PRR16: variants seen among roughly 807,000 people sequenced by gnomAD.
The protein encoded by PRR16 is protein Largen.
PRR16 carries 6 observed loss-of-function variants against 18.2 expected under a neutral mutation model. The ratio of observed to expected loss-of-function variants is 0.33; its 90% CI spans 0.18 to 0.65. PRR16 has a LOEUF of 0.65. Ranked by LOEUF, PRR16 falls within the 30% of genes least tolerant of loss-of-function variation. The pLI, the probability that PRR16 is intolerant of heterozygous loss-of-function variation, is 0.74. For synonymous variants in PRR16, 151 were observed against 147.8 expected (o/e 1.02, Z -0.16); for missense variants, 412 against 376.6 (o/e 1.09, Z -0.78).
intron 1 of PRR16, among the ~76,000 whole-genome samples, chr5:120,592,333 T>C (rs983902502): frequency 2.6e-5 from 4 of 152,194 alleles, no homozygotes; most frequent in Non-Finnish European, 5.9e-5. Flanking sequence ...TCGTAGGAGC[T>C]GTATACTGCA....
At position 120,464,497 on chromosome 5, in the gene PRR16, A is replaced by C. The variant is rs955630893; in HGVS notation, c.11A>C (p.Lys4Thr). ...GCTTGCCCCCAAAGAATGTCAGCCA[A>C]GTCCAAGGGGAACCCCTCCTCGTCC... MSA[K>T]SKGNPSSSCP... The change falls in exon 1 of 2, where the codon AAG becomes ACG. Residue 4 changes from lysine (K) to threonine (T), a missense_variant. By Grantham distance (78) the Lys-to-Thr change is moderately conservative. Coordinates refer to ENST00000407149, the MANE Select transcript of PRR16 (RefSeq NM_001300783.2). 1 of 1,589,476 alleles carries C rather than the reference A, an allele frequency of 6.3e-7. No individual in the cohort carries two copies. The highest frequency in any genetic ancestry group is 8.5e-7 in the Non-Finnish European group (1 of 1,176,092).
At chr5:120,657,423 C>G (rs1756019895) in intron 1 of PRR16, among the ~76,000 whole-genome samples, 1 of 151,900 alleles carries the variant, frequency 6.6e-6, no homozygotes, top group African/African-American at 2.4e-5. Flanking sequence ...TCAGTGACCT[C>G]ATGTTGGTGC....
intron 1 of PRR16, among the ~76,000 whole-genome samples, chr5:120,663,438 C>A (rs552499383): frequency 6.9e-6 from 1 of 145,606 alleles, no homozygotes. Context: ...AAAGGTTGAA[C>A]AGGATACAAA....
the PRR16 span, among the ~76,000 whole-genome samples, chr5:120,777,157 A>G: frequency 6.6e-6 from 1 of 152,044 alleles, no homozygotes; most frequent in African/African-American, 2.4e-5. Flanking sequence ...CGCAGACTTG[A>G]TGTGAATAAT....
intron 1 of PRR16, among the ~76,000 whole-genome samples, chr5:120,672,540 A>ATGTGTGTG (rs5870916): frequency 6.4e-4 from 95 of 147,402 alleles, no homozygotes; most frequent in South Asian, 1.3e-3. Flanking sequence ...ATAGATATAT[A>ATGTGTGTG]TGTGTGTGTG....
the PRR16 span, among the ~76,000 whole-genome samples, chr5:120,752,737 G>C: frequency 6.6e-6 from 1 of 151,680 alleles, no homozygotes; most frequent in Non-Finnish European, 1.5e-5. Context: ...CTATTTCTTC[G>C]TAGGTTTATA....
chr5:120,725,350 A>G, the PRR16 span, among the ~76,000 whole-genome samples: 1 of 149,696 alleles, frequency 6.7e-6, no homozygotes, highest in South Asian at 2.1e-4. Flanking sequence ...AGAATCTGAC[A>G]CACAGCGCAT....
the PRR16 span, among the ~76,000 whole-genome samples, chr5:120,730,684 A>G: frequency 2.0e-5 from 3 of 152,296 alleles, no homozygotes; most frequent in East Asian, 5.8e-4. Flanking sequence ...TTAAGGTAAT[A>G]GGATAGTTTG....
chr5:120,502,200 T>C (rs1396878423), intron 1 of PRR16, among the ~76,000 whole-genome samples: 2 of 151,008 alleles, frequency 1.3e-5, no homozygotes, highest in South Asian at 4.1e-4. Flanking sequence ...AAATTTTAAA[T>C]AAAAGAGTAT....
At chr5:120,566,474 A>G (rs547670254) in intron 1 of PRR16, among the ~76,000 whole-genome samples, 7 of 152,260 alleles carry the variant, frequency 4.6e-5, no homozygotes, top group African/African-American at 7.2e-5. Context: ...AGCTTTATGT[A>G]TATTATTTTG....
chr5:120,737,982 G>T, the PRR16 span, among the ~76,000 whole-genome samples: 1 of 151,940 alleles, frequency 6.6e-6, no homozygotes, highest in East Asian at 1.9e-4. Flanking sequence ...TCTTTAAAAA[G>T]AAAGAGAAGA....
intron 1 of PRR16, among the ~76,000 whole-genome samples, chr5:120,611,797 C>G (rs1391558122): frequency 1.3e-5 from 2 of 152,200 alleles, no homozygotes; most frequent in East Asian, 1.9e-4. Context: ...CACACAGAGT[C>G]CCTACTGGGG....
At chr5:120,617,209 CATG>C in intron 1 of PRR16, 7 of 979,006 alleles carry the variant, frequency 7.2e-6, no homozygotes, top group Non-Finnish European at 6.1e-6. Flanking sequence ...CCCACCTTAA[CATG>C]ATGTTTGCAG....
chr5:120,666,117 A>G (rs1402001128), intron 1 of PRR16, among the ~76,000 whole-genome samples: 1 of 152,036 alleles, frequency 6.6e-6, no homozygotes, highest in Admixed American at 6.6e-5. Flanking sequence ...ATTTCTTTGT[A>G]TCCTCTTTTA....
chr5:120,754,292 T>TATATAATATATAA, the PRR16 span, among the ~76,000 whole-genome samples: 33 of 43,078 alleles, frequency 7.7e-4, no homozygotes, highest in East Asian at 3.2e-3. Context: ...AAATATATAA[T>TATATAATATATAA]ATATAATATA....
At chr5:120,759,428 C>G in the PRR16 span, among the ~76,000 whole-genome samples, 2 of 151,848 alleles carry the variant, frequency 1.3e-5, no homozygotes, top group African/African-American at 4.8e-5. Flanking sequence ...CTAAAAAAGA[C>G]TATATACTAT....
At chr5:120,591,949 G>A (rs1278724349) in intron 1 of PRR16, among the ~76,000 whole-genome samples, 15 of 152,106 alleles carry the variant, frequency 9.9e-5, no homozygotes, top group Admixed American at 9.8e-4. Flanking sequence ...TGTAAGAGTA[G>A]CTTGTGTCCC....
At chr5:120,651,033 G>T (rs147964847) in intron 1 of PRR16, among the ~76,000 whole-genome samples, 446 of 152,316 alleles carry the variant, frequency 2.9e-3, no homozygotes, top group Non-Finnish European at 5.0e-3. Context: ...AATGTTGTGA[G>T]ATGGTATCTC....
At chr5:120,654,454 A>G (rs998087884) in intron 1 of PRR16, among the ~76,000 whole-genome samples, 3 of 151,808 alleles carry the variant, frequency 2.0e-5, no homozygotes, top group South Asian at 2.1e-4. Context: ...TACTTGACAC[A>G]TAAGAGTTGC....
Sources: allele counts gnomAD v4.1 joint callset (sites outside exome capture counted in the v4.1 genomes callset), GRCh38; gene constraint gnomAD v4.1.1; transcripts MANE v1.5; gene names NCBI Gene and HGNC (gene_info 2026-07-23, HGNC 2026-07-21).